Variants in ATP13A5 observed in about 807,000 individuals in gnomAD.
The protein encoded by ATP13A5 is probable cation-transporting ATPase 13A5.
Under a neutral mutation model 150.2 loss-of-function variants are expected in ATP13A5, and 149 were observed. The observed-to-expected ratio is 0.99, with a 90% CI of 0.87 to 1.14. The LOEUF (loss-of-function observed/expected upper bound fraction) is 1.14, where lower values mean the gene tolerates loss of function less well. Among genes scored for constraint, ATP13A5 ranks in the 50% most tolerant of loss-of-function variants. The pLI is 0.00. For synonymous variants in ATP13A5, 497 were observed against 522.2 expected, an observed-to-expected ratio of 0.95 and a Z score of 0.66; for missense variants, 1,383 against 1,449.3, an observed-to-expected ratio of 0.95 and a Z score of 0.74.
At chr3:193,355,916 C>T (rs1236465792) in intron 5 of ATP13A5, among the ~76,000 whole-genome samples, 2 of 152,148 alleles carry the variant, frequency 1.3e-5, no homozygotes, top group African/African-American at 4.8e-5. Flanking sequence ...CTCGGAGAGC[C>T]AGATCCGACA....
Position 193,362,406 on chromosome 3 carries a change from G to C in ATP13A5, c.511C>G (p.Leu171Val). The C allele has an allele frequency of 6.2e-7, 1 of 1,614,056 alleles. No homozygotes were observed. Among genetic ancestry groups the C allele is most frequent in the South Asian group, 1.1e-5 (1 of 91,054 alleles). ...CTGACCTCTTGCTCTTCACTGGTCA[G>C]ACCCAATCCAAATGTCTGATGGATG... ...SDIHQTFGLG[L>V]TSEEQEVRRL... is the part of the protein sequence containing the mutation. The change falls in exon 5 of 30, where the codon CTG (leucine) becomes GTG (valine). Residue 171 changes from leucine to valine, a missense_variant. Physicochemically the swap from Leu to Val is conservative, Grantham distance 32. This residue lies in a region of ATP13A5 where 787 missense variants were observed against 771.9 expected (regional missense o/e 1.02). Transcript: ENST00000342358.
intron 23 of ATP13A5, among the ~76,000 whole-genome samples, chr3:193,302,452 A>G (rs1029969538): frequency 5.9e-5 from 9 of 152,196 alleles, no homozygotes; most frequent in Non-Finnish European, 1.3e-4. Flanking sequence ...TTTTTCTGCA[A>G]TCGTGCATAG....
chr3:193,355,902 C>T (rs2108895094), intron 5 of ATP13A5, among the ~76,000 whole-genome samples: 1 of 152,306 alleles, frequency 6.6e-6, no homozygotes, highest in South Asian at 2.1e-4. Context: ...AATGCCTACT[C>T]AGCCTCGGAG....
chr3:193,311,853 T>C lies in ATP13A5; in HGVS notation c.2408A>G (p.Gln803Arg), dbSNP rs1346711472. 2 of 1,613,948 alleles carry C rather than the reference T, an allele frequency of 1.2e-6. No homozygotes were observed. The highest frequency in any genetic ancestry group is 4.5e-5 in the East Asian group (2 of 44,862). ...GCTGTTGAAATGCTGAAATATCACT[T>C]GGTATGATTTCCCACTCATTGCAAA... ...YHFAMSGKSY[Q>R]VIFQHFNSLL... is the part of the protein sequence containing the mutation. The change falls in exon 20 of 30, where the codon CAA becomes CGA. Residue 803 changes from glutamine (Q) to arginine (R), a missense_variant. Transcript: ENST00000342358.
rs1212204638 is a variant in ATP13A5 at position 193,326,999 on chromosome 3, T to G, written c.1520A>C (p.Asn507Thr). The change falls in exon 13 of 30, where the codon AAC becomes ACC. Residue 507 changes from asparagine to threonine, a missense_variant. By Grantham distance (65) the Asn-to-Thr change is moderately conservative. Coordinates refer to ENST00000342358, the MANE Select transcript of ATP13A5 (RefSeq NM_198505.4). ...DLWGTVPTAD[N>T]CFQEAHSFAS... ...CATTTTCACATAAGAGGCCTACCAG[T>G]TGTCAGCAGTAGGGACAGTCCCCCA... 5 of 1,613,788 alleles carry G rather than the reference T, an allele frequency of 3.1e-6. No homozygotes were observed. Among genetic ancestry groups the G allele is most frequent in the Non-Finnish European group, 3.4e-6 (4 of 1,179,874 alleles).
chr3:193,361,254 A>T (rs1048122100), intron 5 of ATP13A5, among the ~76,000 whole-genome samples: 1 of 152,208 alleles, frequency 6.6e-6, no homozygotes, highest in African/African-American at 2.4e-5. Flanking sequence ...AATCTTACAT[A>T]ATAATACCAT....
chr3:193,360,255 A>G (rs944125445), intron 5 of ATP13A5, among the ~76,000 whole-genome samples: 4 of 152,178 alleles, frequency 2.6e-5, no homozygotes, highest in Non-Finnish European at 5.9e-5. Flanking sequence ...ATGTTTGGAT[A>G]TGCTTTCGCT....
chr3:193,302,729 C>T (rs558074884), intron 23 of ATP13A5, among the ~76,000 whole-genome samples: 1 of 152,268 alleles, frequency 6.6e-6, no homozygotes, highest in African/African-American at 2.4e-5. Flanking sequence ...AATCATGTTT[C>T]AAAAGACAAA....
intron 25 of ATP13A5, among the ~76,000 whole-genome samples, chr3:193,292,315 G>A (rs1008299233): frequency 4.6e-5 from 7 of 152,126 alleles, no homozygotes; most frequent in Non-Finnish European, 8.8e-5. Flanking sequence ...GCTGCAGGTA[G>A]TGGAGAGAGT....
chr3:193,333,700 AGCTCTTT>A (rs1711729836), intron 11 of ATP13A5, 43 bp downstream of exon 11: 1 of 1,554,864 alleles, frequency 6.4e-7, no homozygotes, highest in Non-Finnish European at 8.8e-7. Context: ...AGTTAGGTCA[AGCTCTTT>A]GCAGAATCTA....
intron 25 of ATP13A5, among the ~76,000 whole-genome samples, chr3:193,292,362 T>C (rs1331520257): frequency 1.3e-5 from 2 of 152,162 alleles, no homozygotes; most frequent in African/African-American, 4.8e-5. Flanking sequence ...TCTACCTCTT[T>C]GGTCTTCTCT....
intron 17 of ATP13A5, among the ~76,000 whole-genome samples, chr3:193,317,553 T>A (rs1018594569): frequency 2.6e-5 from 4 of 152,192 alleles, no homozygotes; most frequent in African/African-American, 9.6e-5. Context: ...ACTTTTTACG[T>A]CATCTCAAAA....
chr3:193,330,892 A>G (rs1711602820), intron 12 of ATP13A5, among the ~76,000 whole-genome samples: 1 of 152,200 alleles, frequency 6.6e-6, no homozygotes, highest in Non-Finnish European at 1.5e-5. Flanking sequence ...ACAAATTATT[A>G]AGTTTCACAG....
At chr3:193,371,473 G>T (rs1383621758) in intron 1 of ATP13A5, among the ~76,000 whole-genome samples, 1 of 152,186 alleles carries the variant, frequency 6.6e-6, no homozygotes, top group East Asian at 1.9e-4. Flanking sequence ...TATTCAGTTA[G>T]CTGGGTCCTA....
At chr3:193,282,524 C>T (rs903179341) in intron 27 of ATP13A5, among the ~76,000 whole-genome samples, 3 of 152,012 alleles carry the variant, frequency 2.0e-5, no homozygotes, top group Admixed American at 6.5e-5. Flanking sequence ...TACAGGTGCC[C>T]ACCACCACCC....
Position 193,378,704 on chromosome 3 carries a change from C to T in ATP13A5, c.22G>A (p.Asp8Asn). ...CCCTGGTTGAGCAAAGCCCGATGGT[C>T]CTTCTTACTGTTCTCTTCCATCTGA... MEENSKK[D>N]HRALLNQGEE... Residue 8 changes from aspartate (D) to asparagine (N), a missense_variant, in exon 1 of 30, where the codon GAC (aspartate) becomes AAC (asparagine). Physicochemically the swap from Asp to Asn is conservative, Grantham distance 23 (BLOSUM62 1). This residue lies in a region of ATP13A5 where 787 missense variants were observed against 771.9 expected (regional missense o/e 1.02). Coordinates refer to ENST00000342358, the MANE Select transcript of ATP13A5 (RefSeq NM_198505.4). 1 of 1,613,962 alleles carries T rather than the reference C, an allele frequency of 6.2e-7. No individual in the cohort carries two copies. Among genetic ancestry groups the T allele is most frequent in the Non-Finnish European group, 8.5e-7 (1 of 1,179,842 alleles).
At chr3:193,281,228 G>A (rs968071856) in intron 27 of ATP13A5, 3 of 985,130 alleles carry the variant, frequency 3.0e-6, no homozygotes, top group Admixed American at 6.1e-5. Flanking sequence ...CTGGGAAGAA[G>A]AGGACGCCTG....
At position 193,314,028 on chromosome 3, in the gene ATP13A5, C is replaced by T. The variant is rs745679184; in HGVS notation, c.2319+5G>A. On this transcript the variant is annotated splice_donor_5th_base_variant and intron_variant, in intron 19 of 29. Transcript: ENST00000342358. ...CCACGGAGGGGCCTTCTAACATTTG[C>T]TCACTTTCTTCCCAGGTCCAGTCTC... is the stretch of plus-strand genomic sequence containing the variant. The T allele has an allele frequency of 1.9e-6, 3 of 1,612,286 alleles. No homozygotes were observed. Among genetic ancestry groups the T allele is most frequent in the East Asian group, 2.2e-5 (1 of 44,878 alleles).
intron 27 of ATP13A5, among the ~76,000 whole-genome samples, chr3:193,282,149 G>A (rs1048659356): frequency 6.6e-6 from 1 of 151,710 alleles, no homozygotes; most frequent in African/African-American, 2.4e-5. Flanking sequence ...GAGCCAAGAT[G>A]GTGCCACTGC....
Sources: allele counts gnomAD v4.1 joint callset (sites outside exome capture counted in the v4.1 genomes callset), GRCh38; gene constraint gnomAD v4.1.1; regional missense constraint gnomAD v4.1.1; transcripts MANE v1.5; gene names NCBI Gene and HGNC (gene_info 2026-07-23, HGNC 2026-07-21).